The following CCBE1 variants were observed in gnomAD, a reference collection of about 807,000 sequenced individuals.
The protein encoded by CCBE1 is collagen and calcium binding EGF domains 1, also known as collagen and calcium-binding EGF domain-containing protein 1.
In CCBE1, 37 loss-of-function variants were observed where a neutral mutation model predicts 50.0. The observed-to-expected ratio is 0.74, with a 90% CI of 0.57 to 0.97. The LOEUF (loss-of-function observed/expected upper bound fraction) is 0.97, where lower values mean the gene tolerates loss of function less well. Among genes scored for constraint, CCBE1 ranks in the 50% least tolerant of loss-of-function variants. The pLI, the probability that CCBE1 is intolerant of heterozygous loss-of-function variation, is 0.00. For missense variants in CCBE1, 538 were observed against 523.8 expected, an observed-to-expected ratio of 1.03 and a Z score of -0.26; for synonymous variants, 234 against 203.7, an observed-to-expected ratio of 1.15 and a Z score of -1.27.
At chr18:59,443,464 G>A (rs1235737380) in intron 7 of CCBE1, among the ~76,000 whole-genome samples, 2 of 143,492 alleles carry the variant, frequency 1.4e-5, no homozygotes, top group African/African-American at 5.5e-5. Flanking sequence ...CACAAAATTT[G>A]CCAACTTTTT....
At chr18:59,516,862 A>G (rs917806469) in intron 2 of CCBE1, among the ~76,000 whole-genome samples, 1 of 152,200 alleles carries the variant, frequency 6.6e-6, no homozygotes, top group African/African-American at 2.4e-5. Context: ...GCCAGGATAG[A>G]TAGAGCCTTT....
At chr18:59,573,299 A>ATATATATATATATATATATATATG (rs920487820) in intron 2 of CCBE1, among the ~76,000 whole-genome samples, 2 of 121,556 alleles carry the variant, frequency 1.6e-5, no homozygotes, top group Non-Finnish European at 3.2e-5. Flanking sequence ...ATATATATAT[A>ATATATATATATATATATATATATG]TATGTATGTA....
rs538942615 is a variant in CCBE1, at chr18:59,507,330, C to T, written c.213-27092G>A. Among the ~76,000 whole-genome samples the T allele has an allele frequency of 3.3e-5, 5 of 152,324 alleles. No homozygotes were observed. The East Asian group carries it at 5.8e-4, about 18-fold the overall frequency. On this transcript the variant is annotated intron_variant, in intron 2 of 10. Transcript: ENST00000439986. ...TTTCTACAACTGCCACTACCTGTGT[C>T]GAGGTCACATCCCATCCATGCCCAG...
chr18:59,617,851 A>G (rs1325947379), intron 2 of CCBE1, among the ~76,000 whole-genome samples: 1 of 152,170 alleles, frequency 6.6e-6, no homozygotes, highest in Non-Finnish European at 1.5e-5. Flanking sequence ...ATTTATTACC[A>G]CTGCAGGCTG....
chr18:59,696,274 C>CA (rs1437343814), intron 2 of CCBE1, among the ~76,000 whole-genome samples: 2 of 152,164 alleles, frequency 1.3e-5, no homozygotes, highest in African/African-American at 4.8e-5. Context: ...GCTGTACTTT[C>CA]AAAACAAAAC....
Position 59,434,994 on chromosome 18 carries a change from A to C in CCBE1, c.*914T>G, listed in dbSNP as rs1910087514. ...ACCTTCTGGGCACCTGCTCAGAACCAGGAATTCTGCACCTCTCTCTAAGCT... is the reference window on the plus strand; with the variant it reads ...ACCTTCTGGGCACCTGCTCAGAACCCGGAATTCTGCACCTCTCTCTAAGCT... On this transcript the variant is annotated 3_prime_UTR_variant, in exon 11 of 11. Coordinates refer to ENST00000439986, the MANE Select transcript of CCBE1 (RefSeq NM_133459.4). The C allele has an allele frequency of 6.6e-6, 1 of 152,262 alleles. No individual in the cohort carries two copies. Among genetic ancestry groups the C allele is most frequent in the Non-Finnish European group, 1.5e-5 (1 of 68,062 alleles). 9.4% of individuals were successfully genotyped at this position (152,262 alleles called of 1,614,324 possible).
chr18:59,627,183 C>A (rs1242299584), intron 2 of CCBE1, among the ~76,000 whole-genome samples: 1 of 152,140 alleles, frequency 6.6e-6, no homozygotes, highest in Non-Finnish European at 1.5e-5. Context: ...TCATGTTAAT[C>A]CTGCTTAGTT....
chr18:59,688,715 A>T (rs1233617721), intron 2 of CCBE1, among the ~76,000 whole-genome samples: 1 of 152,232 alleles, frequency 6.6e-6, no homozygotes, highest in Non-Finnish European at 1.5e-5. Flanking sequence ...ATCACTTAGG[A>T]ATGATGACTT....
At chr18:59,657,815 C>T (rs2054211082) in intron 2 of CCBE1, among the ~76,000 whole-genome samples, 2 of 152,106 alleles carry the variant, frequency 1.3e-5, no homozygotes, top group African/African-American at 4.8e-5. Flanking sequence ...CGCTCGAACC[C>T]GGGAGGTGGA....
At chr18:59,611,556 C>A (rs1314105540) in intron 2 of CCBE1, among the ~76,000 whole-genome samples, 2 of 152,092 alleles carry the variant, frequency 1.3e-5, no homozygotes, top group Non-Finnish European at 2.9e-5. Context: ...ATCAGCCTGG[C>A]CAACATGGCG....
intron 2 of CCBE1, among the ~76,000 whole-genome samples, chr18:59,659,944 C>T (rs909314773): frequency 1.3e-5 from 2 of 152,150 alleles, no homozygotes; most frequent in African/African-American, 2.4e-5. Flanking sequence ...CCTAGGACCT[C>T]GCTATGCAAT....
intron 2 of CCBE1, among the ~76,000 whole-genome samples, chr18:59,633,731 G>GTTT (rs565486478): frequency 1.4e-4 from 19 of 140,376 alleles, no homozygotes; most frequent in African/African-American, 4.5e-4. Context: ...TTTAGGGTTT[G>GTTT]TTTTTTTTTT....
chr18:59,481,324 G>C (rs1051697682), intron 2 of CCBE1, among the ~76,000 whole-genome samples: 8 of 114,438 alleles, frequency 7.0e-5, no homozygotes, highest in Admixed American at 6.7e-4. Context: ...GAACAGAGAC[G>C]TGTGGGCTAA....
intron 3 of CCBE1, among the ~76,000 whole-genome samples, chr18:59,472,778 G>A (rs151209718): frequency 1.7e-3 from 254 of 152,312 alleles, no homozygotes; most frequent in African/African-American, 6.0e-3. Context: ...AGACATAGCT[G>A]AGACTAGGTA....
intron 2 of CCBE1, among the ~76,000 whole-genome samples, chr18:59,505,166 A>G (rs1273347380): frequency 6.6e-6 from 1 of 152,186 alleles, no homozygotes; most frequent in East Asian, 1.9e-4. Context: ...AGTGGGGTGG[A>G]GGGAGGAGTG....
chr18:59,466,932 A>G, intron 4 of CCBE1, 41 bp from the exon 5 acceptor site: 1 of 1,547,318 alleles, frequency 6.5e-7, no homozygotes, highest in Non-Finnish European at 8.9e-7. Context: ...GTTTCTGAGA[A>G]TTCACTTCTA....
At chr18:59,492,755 A>T (rs1209443143) in intron 2 of CCBE1, among the ~76,000 whole-genome samples, 1 of 152,228 alleles carries the variant, frequency 6.6e-6, no homozygotes, top group East Asian at 1.9e-4. Flanking sequence ...AGCCAAAATG[A>T]CAGAAGGAAA....
Position 59,532,760 on chromosome 18 carries a change from G to A in CCBE1, c.213-52522C>T, listed in dbSNP as rs142137058. 1.3e-3 allele frequency among the ~76,000 whole-genome samples: 199 copies of A among 152,274 alleles called. 1 individual carries two copies. The highest frequency in any genetic ancestry group is 2.3e-3 in the Non-Finnish European group (155 of 68,022). On this transcript the variant is annotated intron_variant, in intron 2 of 10. Coordinates refer to ENST00000439986, the MANE Select transcript of CCBE1 (RefSeq NM_133459.4). Reference sequence around the variant, plus strand: ...CCAAAGTTCATGTTCTTTCTACCACGTGAAGTCACTTTGGAATTCAAAATA... The same window carrying A: ...CCAAAGTTCATGTTCTTTCTACCACATGAAGTCACTTTGGAATTCAAAATA...
intron 2 of CCBE1, among the ~76,000 whole-genome samples, chr18:59,510,031 G>A (rs1430180698): frequency 1.3e-5 from 2 of 152,204 alleles, no homozygotes; most frequent in Non-Finnish European, 2.9e-5. Context: ...AGCTGCACTG[G>A]TGCTGGGAGT....
Sources: allele counts gnomAD v4.1 joint callset (sites outside exome capture counted in the v4.1 genomes callset), GRCh38; gene constraint gnomAD v4.1.1; transcripts MANE v1.5; gene names NCBI Gene and HGNC (gene_info 2026-07-23, HGNC 2026-07-21).